CUEDC1: variants seen among roughly 807,000 people sequenced by gnomAD.
CUEDC1 encodes the protein CUE domain-containing protein 1.
A neutral mutation model predicts 43.7 loss-of-function variants in CUEDC1; 30 were observed. The observed-to-expected ratio is 0.69, with a 90% CI of 0.51 to 0.93. The LOEUF (loss-of-function observed/expected upper bound fraction) is 0.93. CUEDC1 is among the 40% of genes least tolerant of loss of function. CUEDC1 has a pLI of 0.00. For synonymous variants in CUEDC1, 223 were observed against 223.6 expected, an observed-to-expected ratio of 1.00 and a Z score of 0.02; for missense variants, 486 against 549.0, an observed-to-expected ratio of 0.89 and a Z score of 1.15.
At chr17:57,903,852 C>G (rs770552654) in intron 1 of CUEDC1, among the ~76,000 whole-genome samples, 1 of 151,510 alleles carries the variant, frequency 6.6e-6, no homozygotes, top group East Asian at 1.9e-4. Flanking sequence ...GGGAGGATTA[C>G]TTGAGCCCAA....
chr17:57,932,169 C>A (rs1431722253), intron 1 of CUEDC1, among the ~76,000 whole-genome samples: 1 of 151,680 alleles, frequency 6.6e-6, no homozygotes, highest in Non-Finnish European at 1.5e-5. Flanking sequence ...GTAATCCCAG[C>A]TACTCGGAAG....
chr17:57,863,871 C>T (rs939199384), intron 10 of CUEDC1, among the ~76,000 whole-genome samples: 2 of 151,582 alleles, frequency 1.3e-5, no homozygotes, highest in Admixed American at 6.6e-5. Context: ...CGGGGTGGCA[C>T]GTGCCTGTAA....
chr17:57,872,654 G>A lies in CUEDC1; in HGVS notation c.784+9C>T, dbSNP rs561322073. The A allele has an allele frequency of 9.9e-6, 16 of 1,612,862 alleles. No individual in the cohort carries two copies. The East Asian group carries it at 1.1e-4, about 11-fold the overall frequency. Reference sequence around the variant, plus strand: ...CAGCCAGGGAGAAGTGGCTGCAGGCGCTGCCCACCTCTCTCCAGAGCGAGG... The same window carrying A: ...CAGCCAGGGAGAAGTGGCTGCAGGCACTGCCCACCTCTCTCCAGAGCGAGG... On this transcript the variant is annotated intron_variant, in intron 5 of 10. Coordinates refer to ENST00000577830, the MANE Select transcript of CUEDC1 (RefSeq NM_001271875.2).
intron 1 of CUEDC1, among the ~76,000 whole-genome samples, chr17:57,944,803 A>G (rs1418300771): frequency 1.3e-5 from 2 of 152,200 alleles, no homozygotes; most frequent in Non-Finnish European, 2.9e-5. Context: ...ACGGATCAGC[A>G]TCAAGAACAG....
chr17:57,863,367 C>CAA (rs1280625040), intron 10 of CUEDC1, 82 bp from the exon 11 acceptor site: 1 of 152,236 alleles, frequency 6.6e-6, no homozygotes, highest in African/African-American at 2.4e-5. Context: ...CCTGGAGAGA[C>CAA]AGTTTTGGGA....
At chr17:57,869,499 G>A (rs1354719202) in intron 6 of CUEDC1, among the ~76,000 whole-genome samples, 1 of 152,226 alleles carries the variant, frequency 6.6e-6, no homozygotes, top group East Asian at 1.9e-4. Flanking sequence ...CACCTTGGTA[G>A]CTTGGGAGTA....
At chr17:57,929,465 A>G (rs1183834971) in intron 1 of CUEDC1, among the ~76,000 whole-genome samples, 2 of 152,132 alleles carry the variant, frequency 1.3e-5, no homozygotes, top group Admixed American at 1.3e-4. Context: ...TCCTTACCAA[A>G]TAAGTAGAGA....
intron 1 of CUEDC1, among the ~76,000 whole-genome samples, chr17:57,944,612 A>G (rs537244395): frequency 1.3e-5 from 2 of 152,352 alleles, no homozygotes; most frequent in East Asian, 1.9e-4. Context: ...GTTGTGGAGT[A>G]TAATAATAGA....
intron 1 of CUEDC1, among the ~76,000 whole-genome samples, chr17:57,946,973 G>GCTGA (rs1567727609): frequency 6.6e-6 from 1 of 151,906 alleles, no homozygotes; most frequent in East Asian, 1.9e-4. Context: ...AACTCCCCCA[G>GCTGA]CTGACCCTCC....
chr17:57,885,546 GGC>G lies in CUEDC1; in HGVS notation c.17_18del (p.Arg6ProfsTer94), dbSNP rs2074279061. The G allele has an allele frequency of 1.1e-5, 15 of 1,372,378 alleles. No individual in the cohort carries two copies. Among genetic ancestry groups the G allele is most frequent in the African/African-American group, 1.5e-5 (1 of 65,514 alleles). The allele number at this position is 1,372,378 out of a possible 1,614,324, so 85.0% of individuals were successfully genotyped here. A position where few individuals can be genotyped will look rare whatever the true frequency, so the allele number is the denominator to read the frequency against. On this transcript the variant is annotated frameshift_variant, in exon 2 of 11. Transcript: ENST00000577830. LOFTEE classifies it high-confidence loss of function. MTSLFRRSSSGSGGGG... is the reference protein window; with the variant it reads MTSLFXRSSSGSGGGG... ...CCCCCGCCGCTGCCGCTGCTGCTCCGGCGGAACAGGCTGGTCATTTTGCGGAG... is the reference window on the plus strand; with the variant it reads ...CCCCCGCCGCTGCCGCTGCTGCTCCGGGAACAGGCTGGTCATTTTGCGGAG...
rs567899625 is a variant in CUEDC1 at position 57,953,938 on chromosome 17, C to T, written c.-316+1287G>A. 8.5e-5 allele frequency among the ~76,000 whole-genome samples: 13 copies of T among 152,282 alleles called. No individual in the cohort carries two copies. The South Asian group carries it at 2.7e-3, about 32-fold the overall frequency. Reference sequence around the variant, plus strand: ...AGCCAGGTTTCTCCCAGCAGCACCTCTCCATCCCAGAGATGGCACCATATT... The same window carrying T: ...AGCCAGGTTTCTCCCAGCAGCACCTTTCCATCCCAGAGATGGCACCATATT... On this transcript the variant is annotated intron_variant, in intron 1 of 10. Transcript: ENST00000577830.
intron 1 of CUEDC1, among the ~76,000 whole-genome samples, chr17:57,937,034 T>C (rs1205935913): frequency 2.0e-5 from 3 of 151,974 alleles, no homozygotes; most frequent in African/African-American, 7.2e-5. Flanking sequence ...TTGGCCAGGA[T>C]GGTCTCCATC....
intron 2 of CUEDC1, among the ~76,000 whole-genome samples, chr17:57,882,618 T>C (rs980630515): frequency 1.3e-5 from 2 of 152,126 alleles, no homozygotes; most frequent in Non-Finnish European, 2.9e-5. Flanking sequence ...GGTCCACTTA[T>C]AGGTAGATTT....
At chr17:57,871,641 C>A (rs1226657010) in intron 5 of CUEDC1, among the ~76,000 whole-genome samples, 3 of 152,172 alleles carry the variant, frequency 2.0e-5, no homozygotes, top group East Asian at 3.8e-4. Context: ...AAGAAAGGCA[C>A]GGCCAGGGAT....
chr17:57,897,944 C>T (rs2074430891), intron 1 of CUEDC1, among the ~76,000 whole-genome samples: 1 of 152,122 alleles, frequency 6.6e-6, no homozygotes, highest in South Asian at 2.1e-4. Flanking sequence ...AACCAGGATG[C>T]AGAGGTTGCA....
chr17:57,868,354 CA>C, intron 7 of CUEDC1, 111 bp from the exon 8 acceptor site: 1 of 912,934 alleles, frequency 1.1e-6, no homozygotes. Flanking sequence ...GGAGAGGGAG[CA>C]GGGGGCAGGC....
intron 1 of CUEDC1, among the ~76,000 whole-genome samples, chr17:57,920,588 G>A (rs2074688318): frequency 6.6e-6 from 1 of 151,940 alleles, no homozygotes. Context: ...TTGTTAGGAG[G>A]AGCCAAAGAA....
chr17:57,893,625 C>T (rs1597989848), intron 1 of CUEDC1, among the ~76,000 whole-genome samples: 1 of 111,742 alleles, frequency 8.9e-6, no homozygotes, highest in South Asian at 2.4e-4. Context: ...CCTGTGCCCA[C>T]CCCCAGGCAG....
In CUEDC1 at chr17:57,950,693, G is replaced by A. The variant is rs1032168965; in HGVS notation, c.-316+4532C>T. Among the ~76,000 whole-genome samples, 14 of 152,024 alleles carry A rather than the reference G, an allele frequency of 9.2e-5. No homozygotes were observed. The East Asian group carries it at 1.4e-3, about 15-fold the overall frequency. Reference sequence around the variant, plus strand: ...TCACCACGTTGGCCAGGCTGGTCTCGAACTCCTGACCTCAGGTGATCCGCC... The same window carrying A: ...TCACCACGTTGGCCAGGCTGGTCTCAAACTCCTGACCTCAGGTGATCCGCC... On this transcript the variant is annotated intron_variant, in intron 1 of 10. Coordinates refer to ENST00000577830, the MANE Select transcript of CUEDC1 (RefSeq NM_001271875.2).
Sources: gnomAD v4.1 joint callset for allele counts (sites outside exome capture counted in the v4.1 genomes callset) on GRCh38, gnomAD v4.1.1 for gene constraint, MANE v1.5 for transcripts, NCBI Gene and HGNC (gene_info 2026-07-23, HGNC 2026-07-21) for gene names.